NUFIP1: variants seen among roughly 807,000 people sequenced by gnomAD.
NUFIP1 encodes FMR1-interacting protein NUFIP1.
Under a neutral mutation model 56.2 loss-of-function variants are expected in NUFIP1, and 38 were observed. The ratio of observed to expected loss-of-function variants is 0.68; its 90% CI spans 0.52 to 0.89. The LOEUF (loss-of-function observed/expected upper bound fraction) is 0.89. Among genes scored for constraint, NUFIP1 ranks in the 40% least tolerant of loss-of-function variants. NUFIP1 has a pLI of 0.00. For missense variants in NUFIP1, 567 were observed against 605.8 expected (o/e 0.94, Z 0.67); for synonymous variants, 215 against 212.4 (o/e 1.01, Z -0.10).
At chr13:44,980,203 A>G (rs993263251) in intron 3 of NUFIP1, among the ~76,000 whole-genome samples, 23 of 152,208 alleles carry the variant, frequency 1.5e-4, no homozygotes, top group African/African-American at 5.5e-4. Context: ...ACATCAATAA[A>G]CCTGTGAAAT....
chr13:44,966,928 G>A (rs754989925), intron 5 of NUFIP1, among the ~76,000 whole-genome samples: 13 of 150,328 alleles, frequency 8.6e-5, no homozygotes, highest in Non-Finnish European at 1.5e-4. Context: ...ACCTGAGATC[G>A]TGCCGCTGCA....
chr13:44,942,923 G>A (rs149855583), intron 9 of NUFIP1, among the ~76,000 whole-genome samples: 118 of 146,588 alleles, frequency 8.0e-4, no homozygotes, highest in African/African-American at 2.9e-3. Context: ...CTATGATCAC[G>A]CCACTACACT....
At chr13:44,946,377 T>TGG (rs991768025) in intron 8 of NUFIP1, among the ~76,000 whole-genome samples, 1 of 152,176 alleles carries the variant, frequency 6.6e-6, no homozygotes, top group Non-Finnish European at 1.5e-5. Context: ...GTCTTTAATT[T>TGG]GGAAATCTCC....
intron 7 of NUFIP1, among the ~76,000 whole-genome samples, chr13:44,954,356 A>T (rs1370847517): frequency 6.6e-6 from 1 of 152,110 alleles, no homozygotes; most frequent in African/African-American, 2.4e-5. Flanking sequence ...CCCCCCTAAA[A>T]AAATCTAATG....
chr13:44,988,928 G>C (rs777816635), intron 1 of NUFIP1, 97 bp downstream of exon 1: 1 of 1,259,510 alleles, frequency 7.9e-7, no homozygotes. Context: ...CAAGAGTGCA[G>C]AGGCAAGGCA....
At chr13:44,986,052 C>A (rs1872378141) in intron 1 of NUFIP1, among the ~76,000 whole-genome samples, 1 of 152,186 alleles carries the variant, frequency 6.6e-6, no homozygotes, top group Non-Finnish European at 1.5e-5. Flanking sequence ...AACTCCTGGG[C>A]TCAAGGGATC....
At chr13:44,949,905 C>T in intron 7 of NUFIP1, 67 bp from the exon 8 acceptor site, 3 of 956,544 alleles carry the variant, frequency 3.1e-6, no homozygotes, top group Non-Finnish European at 5.1e-6. Flanking sequence ...CCCCCATTCC[C>T]TCATTTGTTA....
intron 7 of NUFIP1, among the ~76,000 whole-genome samples, chr13:44,953,636 C>A (rs1871143549): frequency 6.6e-6 from 1 of 152,110 alleles, no homozygotes; most frequent in African/African-American, 2.4e-5. Context: ...CTGACATACC[C>A]ACATCTTCAC....
chr13:44,952,152 TTTTG>T (rs1871102945), intron 7 of NUFIP1, among the ~76,000 whole-genome samples: 1 of 152,200 alleles, frequency 6.6e-6, no homozygotes, highest in African/African-American at 2.4e-5. Context: ...GTTTTTTTGT[TTTTG>T]TTTTTGTTTG....
chr13:44,986,671 A>G (rs1198340289), intron 1 of NUFIP1, among the ~76,000 whole-genome samples: 3 of 150,494 alleles, frequency 2.0e-5, no homozygotes, highest in African/African-American at 7.4e-5. Flanking sequence ...CAGCCTGGGC[A>G]ACAGAGCAAG....
intron 7 of NUFIP1, among the ~76,000 whole-genome samples, chr13:44,958,311 T>C (rs1871312036): frequency 6.6e-6 from 1 of 152,224 alleles, no homozygotes; most frequent in Admixed American, 6.5e-5. Context: ...TTAGTCTCTA[T>C]GTTCCTCATT....
At chr13:44,961,040 ACT>A (rs1386696295) in intron 6 of NUFIP1, among the ~76,000 whole-genome samples, 3 of 143,566 alleles carry the variant, frequency 2.1e-5, no homozygotes, top group Non-Finnish European at 4.5e-5. Context: ...GCAAAGTAAG[ACT>A]CTGTCTCCAG....
chr13:44,953,320 T>A (rs1871136800), intron 7 of NUFIP1, among the ~76,000 whole-genome samples: 1 of 152,126 alleles, frequency 6.6e-6, no homozygotes, highest in Non-Finnish European at 1.5e-5. Flanking sequence ...TAACAAATAT[T>A]GTTTCATTTT....
At chr13:44,980,649 G>T in intron 3 of NUFIP1, 73 bp downstream of exon 3, 1 of 1,002,786 alleles carries the variant, frequency 1.0e-6, no homozygotes, top group Non-Finnish European at 1.5e-6. Flanking sequence ...AACAAGCTTG[G>T]CATTTCTACC....
At chr13:44,954,572 G>C (rs1278323082) in intron 7 of NUFIP1, among the ~76,000 whole-genome samples, 17 of 152,034 alleles carry the variant, frequency 1.1e-4, no homozygotes. Context: ...CTTCCTATCT[G>C]GCTTCTTCCT....
At chr13:44,961,712 C>T (rs186169673) in intron 6 of NUFIP1, among the ~76,000 whole-genome samples, 1 of 152,334 alleles carries the variant, frequency 6.6e-6, no homozygotes, top group African/African-American at 2.4e-5. Flanking sequence ...CTAGTTTCTG[C>T]CTCCAGCCCA....
At chr13:44,947,846 C>CA (rs1160326676) in intron 8 of NUFIP1, among the ~76,000 whole-genome samples, 6 of 151,864 alleles carry the variant, frequency 4.0e-5, no homozygotes, top group East Asian at 1.9e-4. Flanking sequence ...AACAAGAGCA[C>CA]AAAAAAATGC....
chr13:44,988,248 C>G (rs1162177650), intron 1 of NUFIP1, among the ~76,000 whole-genome samples: 1 of 152,196 alleles, frequency 6.6e-6, no homozygotes, highest in East Asian at 1.9e-4. Context: ...GGGCAACCCC[C>G]TTTCTACTAA....
chr13:44,968,607 T>C (rs1487561851), intron 5 of NUFIP1, among the ~76,000 whole-genome samples: 1 of 152,204 alleles, frequency 6.6e-6, no homozygotes, highest in Admixed American at 6.5e-5. Context: ...GAAGTAGAAA[T>C]GAGAAAAACA....
Sources: allele counts gnomAD v4.1 joint callset (sites outside exome capture counted in the v4.1 genomes callset), GRCh38; gene constraint gnomAD v4.1.1; transcripts MANE v1.5; gene names NCBI Gene and HGNC (gene_info 2026-07-23, HGNC 2026-07-21).